The following THOC7 variants were observed in gnomAD, a reference collection of about 807,000 sequenced individuals.
THOC7 encodes the protein THO complex subunit 7, also known as NIF3L1-binding protein 1.
A neutral mutation model predicts 33.1 loss-of-function variants in THOC7; 22 were observed. That is an observed-to-expected ratio of 0.66 (90% CI 0.47 to 0.95). The LOEUF is 0.95. Among genes scored for constraint, THOC7 ranks in the 40% least tolerant of loss-of-function variants. THOC7 has a pLI of 0.00. For synonymous variants in THOC7, 77 were observed against 76.8 expected (o/e 1.00, Z -0.01); for missense variants, 184 against 245.3 (o/e 0.75, Z 1.67).
At chr3:63,857,203 G>C (rs1429423513) in intron 1 of THOC7, among the ~76,000 whole-genome samples, 1 of 152,192 alleles carries the variant, frequency 6.6e-6, no homozygotes, top group Non-Finnish European at 1.5e-5. Context: ...AAGGTAAAGA[G>C]GGGAAGGTTT....
At chr3:63,858,949 A>G (rs950124569) in intron 1 of THOC7, among the ~76,000 whole-genome samples, 3 of 152,222 alleles carry the variant, frequency 2.0e-5, no homozygotes, top group African/African-American at 7.2e-5. Context: ...AAGAGCTCCC[A>G]GTCCAACTGG....
At chr3:63,847,216 T>C (rs907038886) in intron 1 of THOC7, among the ~76,000 whole-genome samples, 1 of 152,182 alleles carries the variant, frequency 6.6e-6, no homozygotes, top group African/African-American at 2.4e-5. Context: ...CCTATAAATC[T>C]GGTATGTATT....
At chr3:63,844,826 T>C (rs866586280) in intron 1 of THOC7, among the ~76,000 whole-genome samples, 1 of 152,224 alleles carries the variant, frequency 6.6e-6, no homozygotes, top group Non-Finnish European at 1.5e-5. Context: ...AAATAAACTT[T>C]TATTGCTTAT....
At chr3:63,857,743 C>T (rs1702140765) in intron 1 of THOC7, among the ~76,000 whole-genome samples, 1 of 151,904 alleles carries the variant, frequency 6.6e-6, no homozygotes, top group South Asian at 2.1e-4. Flanking sequence ...ATTGCTGATG[C>T]CAAGGTAAAT....
In THOC7 at chr3:63,850,057, T is replaced by C. The variant is rs116142622; in HGVS notation, c.20-10284A>G. On this transcript the variant is annotated intron_variant, in intron 1 of 7. Coordinates refer to ENST00000295899, the MANE Select transcript of THOC7 (RefSeq NM_025075.4). ...CTGGGGACAACTTTTCCCAAGACCATTGGAATAAGACTCCCCATCATAAGA... is the reference window on the plus strand; with the variant it reads ...CTGGGGACAACTTTTCCCAAGACCACTGGAATAAGACTCCCCATCATAAGA... Among the ~76,000 whole-genome samples, 1,294 of 152,288 alleles carry C rather than the reference T, an allele frequency of 8.5e-3. 18 individuals carry two copies. The highest frequency in any genetic ancestry group is 0.027 in the African/African-American group (1,130 of 41,560).
chr3:63,858,330 A>C (rs183612358), intron 1 of THOC7, among the ~76,000 whole-genome samples: 37 of 152,326 alleles, frequency 2.4e-4, no homozygotes, highest in Admixed American at 2.2e-3. Context: ...TTCACAGAAA[A>C]ATATATACAA....
upstream of THOC7, chr3:63,863,938 GC>G (rs1559612645): frequency 2.0e-5 from 3 of 149,692 alleles, no homozygotes; most frequent in Admixed American, 8.1e-5. Flanking sequence ...CGACGCCTGA[GC>G]CGCGCCGCGC....
At chr3:63,847,647 G>A (rs1300343414) in intron 1 of THOC7, among the ~76,000 whole-genome samples, 1 of 152,158 alleles carries the variant, frequency 6.6e-6, no homozygotes. Flanking sequence ...TGAGGAAGGA[G>A]AATTGCTTGA....
chr3:63,858,023 C>T (rs1702143996), intron 1 of THOC7, among the ~76,000 whole-genome samples: 1 of 151,858 alleles, frequency 6.6e-6, no homozygotes, highest in Middle Eastern at 3.2e-3. Flanking sequence ...GAAAAAAAAA[C>T]CCAAAAACAA....
At chr3:63,838,204 T>C in intron 3 of THOC7, 142 bp from the exon 4 acceptor site, 2 of 909,724 alleles carry the variant, frequency 2.2e-6, no homozygotes, top group East Asian at 2.7e-5. Context: ...CCCAAAGTAC[T>C]ATATCATCTT....
chr3:63,850,252 G>C (rs1464667080), intron 1 of THOC7, among the ~76,000 whole-genome samples: 1 of 152,260 alleles, frequency 6.6e-6, no homozygotes, highest in African/African-American at 2.4e-5. Context: ...CCAGGCTAGA[G>C]TGCGGTGGTG....
chr3:63,862,134 G>C (rs1464719205), intron 1 of THOC7, among the ~76,000 whole-genome samples: 4 of 152,198 alleles, frequency 2.6e-5, no homozygotes, highest in African/African-American at 9.7e-5. Flanking sequence ...CCACACCAGT[G>C]TTAAAACTTT....
intron 1 of THOC7, among the ~76,000 whole-genome samples, chr3:63,858,761 A>C (rs1162076203): frequency 6.6e-6 from 1 of 152,234 alleles, no homozygotes; most frequent in Non-Finnish European, 1.5e-5. Context: ...AGGGAAGGAG[A>C]GAAAATGGCT....
chr3:63,860,145 G>A (rs747687766), intron 1 of THOC7, among the ~76,000 whole-genome samples: 1 of 151,954 alleles, frequency 6.6e-6, no homozygotes, highest in Non-Finnish European at 1.5e-5. Context: ...GCTAATTTAA[G>A]AAAATTTTTA....
intron 1 of THOC7, among the ~76,000 whole-genome samples, chr3:63,844,765 C>A (rs892245976): frequency 6.6e-6 from 1 of 152,148 alleles, no homozygotes. Flanking sequence ...AAGACCCTCA[C>A]CAGATTTGGC....
Position 63,834,019 on chromosome 3 carries a change from C to T in THOC7, c.*113G>A. The T allele has an allele frequency of 1.1e-6, 1 of 936,700 alleles. No individual in the cohort carries two copies. 58.0% of individuals were successfully genotyped at this position (936,700 alleles called of 1,614,324 possible). A position where few individuals can be genotyped will look rare whatever the true frequency, so the allele number is the denominator to read the frequency against. On this transcript the variant is annotated 3_prime_UTR_variant, in exon 8 of 8. Transcript: ENST00000295899. The stretch of plus-strand genomic sequence containing the variant: ...AATGAAATACATTCATACTTAAAAA[C>T]AGAGTATTTTACTGCCAAAACTTTA...
intron 1 of THOC7, among the ~76,000 whole-genome samples, chr3:63,847,755 A>C (rs562345838): frequency 6.6e-6 from 1 of 152,318 alleles, no homozygotes; most frequent in Non-Finnish European, 1.5e-5. Context: ...AACAAAAAAA[A>C]CAAACTCTGA....
intron 2 of THOC7, among the ~76,000 whole-genome samples, chr3:63,839,236 G>T (rs1701703991): frequency 6.6e-6 from 1 of 152,064 alleles, no homozygotes; most frequent in Admixed American, 6.6e-5. Flanking sequence ...TATCAGGTTG[G>T]TACAAAAGTA....
chr3:63,841,346 G>C (rs115864223), intron 1 of THOC7, among the ~76,000 whole-genome samples: 4 of 152,158 alleles, frequency 2.6e-5, no homozygotes, highest in African/African-American at 9.7e-5. Context: ...TAATTTTCCT[G>C]CATGTCTTTG....
Sources: gnomAD v4.1 joint callset for allele counts (sites outside exome capture counted in the v4.1 genomes callset) on GRCh38, gnomAD v4.1.1 for gene constraint, MANE v1.5 for transcripts, NCBI Gene and HGNC (gene_info 2026-07-23, HGNC 2026-07-21) for gene names.